MEF2C: variants seen among roughly 807,000 people sequenced by gnomAD.
MEF2C encodes myocyte-specific enhancer factor 2C.
Under a neutral mutation model 50.5 loss-of-function variants are expected in MEF2C, and 6 were observed. The observed-to-expected ratio is 0.12, with a 90% CI of 0.07 to 0.23. The LOEUF (loss-of-function observed/expected upper bound fraction) is 0.23. Among genes scored for constraint, MEF2C ranks in the 10% least tolerant of loss-of-function variants. The probability of loss-of-function intolerance (pLI) is 1.00; values close to 1 mark genes in which losing one functional copy is unlikely to be tolerated. For synonymous variants in MEF2C, 183 were observed against 228.0 expected (o/e 0.80, Z 1.78); for missense variants, 276 against 605.0 (o/e 0.46, Z 5.70).
chr5:88,728,683 T>C, intron 9 of MEF2C, 55 bp from the exon 10 acceptor site: 1 of 1,201,508 alleles, frequency 8.3e-7, no homozygotes. Flanking sequence ...AATTATCAAA[T>C]GGTAAATAGA....
chr5:88,752,476 A>G (rs765471438), intron 4 of MEF2C: 15 of 437,300 alleles, frequency 3.4e-5, no homozygotes, highest in Non-Finnish European at 4.0e-5. Flanking sequence ...TTTATGTAGA[A>G]GTTTAATGAT....
At chr5:88,825,505 G>C (rs989591134) in intron 1 of MEF2C, 3 of 983,920 alleles carry the variant, frequency 3.0e-6, no homozygotes, top group Non-Finnish European at 3.6e-6. Context: ...GTTGGAGGTG[G>C]TTCAAAATTC....
intron 1 of MEF2C, among the ~76,000 whole-genome samples, chr5:88,854,423 T>C (rs1482902250): frequency 6.6e-6 from 1 of 152,158 alleles, no homozygotes; most frequent in Non-Finnish European, 1.5e-5. Flanking sequence ...AAAGATACTT[T>C]AAAAATTAAC....
chr5:88,774,350 T>C (rs1274638455), intron 3 of MEF2C, among the ~76,000 whole-genome samples: 2 of 151,520 alleles, frequency 1.3e-5, no homozygotes, highest in African/African-American at 4.8e-5. Flanking sequence ...TTTTTTTTTT[T>C]CTCGCTCTGT....
intron 1 of MEF2C, among the ~76,000 whole-genome samples, chr5:88,860,492 AT>A (rs562217718): frequency 1.2e-3 from 181 of 151,142 alleles, no homozygotes; most frequent in East Asian, 4.7e-3. Flanking sequence ...AGAAATTGTA[AT>A]TTTTTTTTCA....
intron 10 of MEF2C, among the ~76,000 whole-genome samples, chr5:88,727,890 A>G (rs948989163): frequency 1.3e-5 from 2 of 152,098 alleles, no homozygotes; most frequent in Non-Finnish European, 2.9e-5. Flanking sequence ...GACATATCTG[A>G]AAACTACCAC....
In MEF2C at chr5:88,719,723, C is replaced by T. The variant is rs1335334303; in HGVS notation, c.*2881G>A. On this transcript the variant is annotated 3_prime_UTR_variant, in exon 11 of 11. Coordinates refer to ENST00000504921, the MANE Select transcript of MEF2C (RefSeq NM_002397.5). ...CCAAGATTGTTTACAGAAAGTGACT[C>T]ATCAAAATCAAAATTGTGCTTCTTC... The T allele has an allele frequency of 1.3e-5, 2 of 152,136 alleles. No individual in the cohort carries two copies. The highest frequency in any genetic ancestry group is 4.8e-5 in the African/African-American group (2 of 41,452). The allele number at this position is 152,136 out of a possible 1,614,324, so 9.4% of individuals were successfully genotyped here.
chr5:88,867,922 G>A (rs1029846225), intron 1 of MEF2C, among the ~76,000 whole-genome samples: 1 of 152,170 alleles, frequency 6.6e-6, no homozygotes, highest in Non-Finnish European at 1.5e-5. Flanking sequence ...CATTACGCGT[G>A]CAGCGAGACT....
At chr5:88,874,265 T>C (rs1830428553) in intron 1 of MEF2C, among the ~76,000 whole-genome samples, 1 of 151,934 alleles carries the variant, frequency 6.6e-6, no homozygotes, top group African/African-American at 2.4e-5. Flanking sequence ...ATACATATGT[T>C]CAATAGTTGA....
intron 1 of MEF2C, among the ~76,000 whole-genome samples, chr5:88,835,497 T>A (rs1814713242): frequency 1.3e-5 from 2 of 152,126 alleles, no homozygotes; most frequent in South Asian, 4.1e-4. Context: ...TATCTAGTAT[T>A]TTAAATGAAA....
chr5:88,894,637 T>C (rs1415358175), intron 1 of MEF2C, among the ~76,000 whole-genome samples: 2 of 152,340 alleles, frequency 1.3e-5, no homozygotes, highest in South Asian at 4.1e-4. Context: ...GATTTGAGTA[T>C]AAAGCATTAG....
chr5:88,893,484 A>C (rs983693651), intron 1 of MEF2C, among the ~76,000 whole-genome samples: 1 of 152,030 alleles, frequency 6.6e-6, no homozygotes, highest in South Asian at 2.1e-4. Context: ...TGGCCTCCCA[A>C]AGTGCTGGGA....
At chr5:88,733,036 C>T (rs1226038629) in intron 6 of MEF2C, 11 of 973,044 alleles carry the variant, frequency 1.1e-5, no homozygotes, top group Non-Finnish European at 1.3e-5. Flanking sequence ...TGTGGTAATC[C>T]AATACATACT....
intron 1 of MEF2C, among the ~76,000 whole-genome samples, chr5:88,859,046 T>C (rs1824538454): frequency 6.6e-6 from 1 of 152,238 alleles, no homozygotes; most frequent in African/African-American, 2.4e-5. Context: ...GATTAAGCAT[T>C]ACTGGTTATG....
At chr5:88,745,246 C>T (rs1768834098) in intron 6 of MEF2C, among the ~76,000 whole-genome samples, 14 of 152,182 alleles carry the variant, frequency 9.2e-5, no homozygotes, top group Admixed American at 7.9e-4. Context: ...CAGAGCTGAG[C>T]GTCCTAGAGA....
chr5:88,740,199 C>G, intron 6 of MEF2C: 1 of 982,230 alleles, frequency 1.0e-6, no homozygotes, highest in Non-Finnish European at 1.2e-6. Context: ...TTGTCCTTGA[C>G]GTTTCTTGGG....
In MEF2C at chr5:88,864,245, T is replaced by C. The variant is rs1826501545; in HGVS notation, c.-143+18710A>G. 2.0e-5 allele frequency among the ~76,000 whole-genome samples: 3 copies of C among 152,026 alleles called. No homozygotes were observed. The South Asian group carries it at 6.2e-4, about 32-fold the overall frequency. On this transcript the variant is annotated intron_variant, in intron 1 of 10. Coordinates refer to ENST00000504921, the MANE Select transcript of MEF2C (RefSeq NM_002397.5). Reference sequence around the variant, plus strand: ...TATTTGAGGTGATAGTTATGTTAATTAGCCTTATTTGATCATGCTATAATG... The same window carrying C: ...TATTTGAGGTGATAGTTATGTTAATCAGCCTTATTTGATCATGCTATAATG...
chr5:88,732,644 T>C (rs1762199938), intron 6 of MEF2C: 1 of 152,232 alleles, frequency 6.6e-6, no homozygotes, highest in Non-Finnish European at 1.5e-5. Flanking sequence ...AGGTCTCTGA[T>C]GTTCAGTATC....
chr5:88,740,233 CGTGTGTGTGTGTGTGTGTGTGT>C, intron 6 of MEF2C: 1 of 885,066 alleles, frequency 1.1e-6, no homozygotes, highest in South Asian at 5.3e-5. Context: ...AGCGATTTTG[CGTGTGTGTGTGTGTGTGTGTGT>C]GTGTGTGTGT....
Sources: allele counts gnomAD v4.1 joint callset (sites outside exome capture counted in the v4.1 genomes callset), GRCh38; gene constraint gnomAD v4.1.1; transcripts MANE v1.5; gene names NCBI Gene and HGNC (gene_info 2026-07-23, HGNC 2026-07-21).